The following PAK5 variants were observed in gnomAD, a reference collection of about 807,000 sequenced individuals.
PAK5 encodes the protein p21 (RAC1) activated kinase 5.
A neutral mutation model predicts 65.9 loss-of-function variants in PAK5; 16 were observed. The observed-to-expected ratio is 0.24, with a 90% CI of 0.16 to 0.37. PAK5 has a LOEUF of 0.37. Ranked by LOEUF, PAK5 falls within the 10% of genes least tolerant of loss-of-function variation. PAK5 has a pLI of 1.00. For missense variants in PAK5, 785 were observed against 903.9 expected (o/e 0.87, Z 1.69); for synonymous variants, 371 against 354.9 (o/e 1.05, Z -0.51).
chr20:9,659,506 A>G (rs537143490), intron 2 of PAK5, among the ~76,000 whole-genome samples: 1 of 152,324 alleles, frequency 6.6e-6, no homozygotes, highest in African/African-American at 2.4e-5. Flanking sequence ...TCAGAGCTGT[A>G]CGTTTTCTTA....
At chr20:9,724,280 TCTCTC>T (rs1348610705) in intron 1 of PAK5, among the ~76,000 whole-genome samples, 4 of 152,184 alleles carry the variant, frequency 2.6e-5, no homozygotes, top group African/African-American at 9.7e-5. Flanking sequence ...TTGAGAAACT[TCTCTC>T]AAGTGTAAGT....
chr20:9,699,418 T>C lies in PAK5; in HGVS notation c.-12+11868A>G, dbSNP rs1183994132. ...TCCCCCAGGTATGAGAAACAATCTG[T>C]ATGGAAACACCAGTTCCTAGTAGTA... is the stretch of plus-strand genomic sequence containing the variant. On this transcript the variant is annotated intron_variant, in intron 2 of 9. Coordinates refer to ENST00000353224, the MANE Select transcript of PAK5 (RefSeq NM_177990.4). Among the ~76,000 whole-genome samples, 4 of 152,006 alleles carry C rather than the reference T, an allele frequency of 2.6e-5. No individual in the cohort carries two copies. The East Asian group carries it at 7.7e-4, about 29-fold the overall frequency.
intron 1 of PAK5, among the ~76,000 whole-genome samples, chr20:9,792,478 T>G (rs1255540143): frequency 6.6e-6 from 1 of 152,284 alleles, no homozygotes; most frequent in East Asian, 1.9e-4. Flanking sequence ...CCCCAGTCCA[T>G]GACAGTATCA....
chr20:9,717,807 A>G (rs2123508342), intron 1 of PAK5, among the ~76,000 whole-genome samples: 1 of 152,266 alleles, frequency 6.6e-6, no homozygotes, highest in Non-Finnish European at 1.5e-5. Flanking sequence ...TTTAGTAGAG[A>G]CAGGGTTCCG....
chr20:9,818,453 T>C (rs1224805334), intron 1 of PAK5, among the ~76,000 whole-genome samples: 2 of 152,130 alleles, frequency 1.3e-5, no homozygotes, highest in African/African-American at 4.8e-5. Flanking sequence ...AAATAAAGTA[T>C]TTTTTACTCT....
intron 2 of PAK5, among the ~76,000 whole-genome samples, chr20:9,660,932 C>G (rs140444080): frequency 4.6e-5 from 7 of 152,256 alleles, no homozygotes; most frequent in Non-Finnish European, 8.8e-5. Context: ...ATCAGCATCA[C>G]TGGGGAGCTT....
chr20:9,656,300 T>A (rs894589967), intron 2 of PAK5, among the ~76,000 whole-genome samples: 4 of 151,972 alleles, frequency 2.6e-5, no homozygotes, highest in African/African-American at 9.7e-5. Context: ...TTTCCCTTGA[T>A]AGAGACAATT....
chr20:9,804,764 G>A (rs2049211651), intron 1 of PAK5, among the ~76,000 whole-genome samples: 1 of 152,106 alleles, frequency 6.6e-6, no homozygotes, highest in African/African-American at 2.4e-5. Flanking sequence ...TATCCAGAGT[G>A]TGGGCCAGGT....
chr20:9,680,631 T>A (rs1348722349), intron 2 of PAK5, among the ~76,000 whole-genome samples: 1 of 152,176 alleles, frequency 6.6e-6, no homozygotes, highest in Non-Finnish European at 1.5e-5. Flanking sequence ...GAAGTGTGCA[T>A]GGCCCTGAGC....
At chr20:9,674,614 G>A (rs971334878) in intron 2 of PAK5, among the ~76,000 whole-genome samples, 1 of 152,164 alleles carries the variant, frequency 6.6e-6, no homozygotes, top group East Asian at 1.9e-4. Context: ...AATTTGGCAG[G>A]ATTCTTGCTG....
intron 1 of PAK5, among the ~76,000 whole-genome samples, chr20:9,765,632 A>T (rs148935126): frequency 6.6e-6 from 1 of 152,056 alleles, no homozygotes; most frequent in African/African-American, 2.4e-5. Context: ...AGATGCTGCA[A>T]ATCAACCCTC....
At chr20:9,757,397 A>C (rs978352422) in intron 1 of PAK5, among the ~76,000 whole-genome samples, 7 of 152,218 alleles carry the variant, frequency 4.6e-5, no homozygotes, top group Admixed American at 1.3e-4. Context: ...AATATGATGA[A>C]TATAAAAAGA....
intron 1 of PAK5, among the ~76,000 whole-genome samples, chr20:9,718,077 C>T (rs2048171214): frequency 6.6e-6 from 1 of 152,040 alleles, no homozygotes; most frequent in Non-Finnish European, 1.5e-5. Context: ...CTATTAGGCA[C>T]ATTGGTAAGT....
intron 2 of PAK5, among the ~76,000 whole-genome samples, chr20:9,650,608 G>A (rs1252993805): frequency 3.3e-5 from 5 of 152,138 alleles, no homozygotes; most frequent in Non-Finnish European, 7.3e-5. Flanking sequence ...GGCTAGATGT[G>A]ACATCTTCCT....
At chr20:9,681,521 A>G (rs1248409710) in intron 2 of PAK5, among the ~76,000 whole-genome samples, 2 of 151,846 alleles carry the variant, frequency 1.3e-5, no homozygotes, top group African/African-American at 4.8e-5. Context: ...TCCCCCTTCT[A>G]TTAGCTAGAT....
intron 1 of PAK5, among the ~76,000 whole-genome samples, chr20:9,765,011 C>T (rs1181866011): frequency 6.6e-6 from 1 of 152,124 alleles, no homozygotes. Context: ...TGATAAATCA[C>T]TTTTGCACTG....
intron 2 of PAK5, among the ~76,000 whole-genome samples, chr20:9,691,867 C>A (rs537311307): frequency 1.8e-4 from 28 of 152,240 alleles, no homozygotes; most frequent in African/African-American, 6.3e-4. Flanking sequence ...TTAGTTTTGA[C>A]CTTTGATTTA....
intron 1 of PAK5, among the ~76,000 whole-genome samples, chr20:9,783,094 A>G (rs939657153): frequency 6.6e-6 from 1 of 151,636 alleles, no homozygotes; most frequent in African/African-American, 2.4e-5. Flanking sequence ...GTGCCACCAT[A>G]ATCGGCTAAT....
intron 1 of PAK5, among the ~76,000 whole-genome samples, chr20:9,768,021 C>T (rs1191948939): frequency 6.6e-6 from 1 of 152,162 alleles, no homozygotes. Context: ...GTTAGGGAAG[C>T]ATAGTCCTTG....
Sources: gnomAD v4.1 joint callset for allele counts (sites outside exome capture counted in the v4.1 genomes callset) on GRCh38, gnomAD v4.1.1 for gene constraint, MANE v1.5 for transcripts, NCBI Gene and HGNC (gene_info 2026-07-23, HGNC 2026-07-21) for gene names.